The following SIGLEC8 variants were observed in gnomAD, a reference collection of about 807,000 sequenced individuals.
The protein encoded by SIGLEC8 is sialic acid binding Ig like lectin 8.
In SIGLEC8, 32 loss-of-function variants were observed where a neutral mutation model predicts 42.1. The observed-to-expected ratio is 0.76, with a 90% CI of 0.57 to 1.02. The LOEUF is 1.02. Among genes scored for constraint, SIGLEC8 ranks in the 50% least tolerant of loss-of-function variants. The pLI is 0.00. For missense variants in SIGLEC8, 611 were observed against 610.2 expected, an observed-to-expected ratio of 1.00 and a Z score of -0.01; for synonymous variants, 262 against 260.3, an observed-to-expected ratio of 1.01 and a Z score of -0.06.
chr19:51,453,210 C>T (rs979196311), intron 6 of SIGLEC8, among the ~76,000 whole-genome samples: 2 of 151,938 alleles, frequency 1.3e-5, no homozygotes, highest in Non-Finnish European at 2.9e-5. Flanking sequence ...CATCTCAGCC[C>T]CCCAAGTAGC....
At position 51,458,362 on chromosome 19, in the gene SIGLEC8, G is replaced by GGGAGCA. The variant is rs773201319; in HGVS notation, c.25_26insTGCTCC (p.Leu7_Leu8dup). 1 of 1,606,442 alleles carries GGGAGCA rather than the reference G, an allele frequency of 6.2e-7. No individual in the cohort carries two copies. The highest frequency in any genetic ancestry group is 8.5e-7 in the Non-Finnish European group (1 of 1,175,170). On this transcript the variant is annotated inframe_insertion, in exon 1 of 7. Transcript: ENST00000321424. ...CATCCCCTTTGTCCCCCAGAGCAGG[G>GGGAGCA]GCAGCAGCAGCAGCAGCAGCAGCAT...
intron 6 of SIGLEC8, chr19:51,453,673 T>C (rs2122141664): frequency 2.3e-6 from 2 of 877,548 alleles, no homozygotes; most frequent in South Asian, 5.3e-5. Flanking sequence ...CCAGCCTAGG[T>C]GACAGAGCAA....
chr19:51,458,145 T>G lies in SIGLEC8; in HGVS notation c.243A>C (p.Thr81=), dbSNP rs756602011. Residue 81 remains threonine, a synonymous_variant, in exon 1 of 7, where the codon ACA becomes ACC. Coordinates refer to ENST00000321424, the MANE Select transcript of SIGLEC8 (RefSeq NM_014442.3). ...CCTGCACTTCTCTGTCTGGGTTGTT[T>G]GTGGCCACTGGAGCGTCTTGGTATG... ...DRPYQDAPVA[T]NNPDREVQAE... 1.2e-6 allele frequency: 2 copies of G among 1,614,130 alleles called. No individual in the cohort carries two copies. The highest frequency in any genetic ancestry group is 1.7e-6 in the Non-Finnish European group (2 of 1,180,014).
chr19:51,458,419 GA>G lies in SIGLEC8; in HGVS notation c.-33del, dbSNP rs765406679. 1.3e-6 allele frequency: 2 copies of G among 1,596,014 alleles called. No homozygotes were observed. Among genetic ancestry groups the G allele is most frequent in the African/African-American group, 2.7e-5 (2 of 74,772 alleles). ...GTTTGAAGGCGCCAGGGCCGCCAGGGAACGTCTGTTCCTCAGGGTTCTTCTC... is the reference window on the plus strand; with the variant it reads ...GTTTGAAGGCGCCAGGGCCGCCAGGGACGTCTGTTCCTCAGGGTTCTTCTC... On this transcript the variant is annotated 5_prime_UTR_variant, in exon 1 of 7. Transcript: ENST00000321424.
chr19:51,454,301 C>A lies in SIGLEC8; in HGVS notation c.1163G>T (p.Arg388Met). 6.2e-7 allele frequency: 1 copy of A among 1,613,706 alleles called. No homozygotes were observed. Among genetic ancestry groups the A allele is most frequent in the South Asian group, 1.1e-5 (1 of 91,068 alleles). The stretch of plus-strand genomic sequence containing the variant: ...CGCTGCTGGCCTTGCCGATTTCTTC[C>A]TGCAGGACCTCACTCTGAGTGAAGA... ...CIIFIIVRSCRKKSARPAAGV... is the reference protein window; with the variant it reads ...CIIFIIVRSCMKKSARPAAGV... The change falls in exon 6 of 7, where the codon AGG (arginine) becomes ATG (methionine). Residue 388 changes from arginine (R) to methionine (M), a missense_variant. By Grantham distance (91) the Arg-to-Met change is moderately conservative. Coordinates refer to ENST00000321424, the MANE Select transcript of SIGLEC8 (RefSeq NM_014442.3). This position sits in a 1 kb window ranked among gnomAD's most constrained non-coding sequence, Gnocchi z 4.7.
rs759624842 is a variant in SIGLEC8, at chr19:51,458,362, GGCAGCA to G, written c.20_25del (p.Leu7_Leu8del). On this transcript the variant is annotated inframe_deletion, in exon 1 of 7. Coordinates refer to ENST00000321424, the MANE Select transcript of SIGLEC8 (RefSeq NM_014442.3). ...CATCCCCTTTGTCCCCCAGAGCAGG[GGCAGCA>G]GCAGCAGCAGCAGCAGCATGTCTGG... is the stretch of plus-strand genomic sequence containing the variant. 8.7e-6 allele frequency: 14 copies of G among 1,612,800 alleles called. No homozygotes were observed. The highest frequency in any genetic ancestry group is 1.0e-5 in the Non-Finnish European group (12 of 1,179,270).
At chr19:51,452,831 C>T (rs1203051675) in intron 6 of SIGLEC8, among the ~76,000 whole-genome samples, 198 bp from the exon 7 acceptor site, 6 of 152,138 alleles carry the variant, frequency 3.9e-5, no homozygotes, top group East Asian at 3.9e-4. Context: ...ATTAACTTCC[C>T]GCAACAACTC....
In SIGLEC8 at chr19:51,455,584, C is replaced by T. The variant is rs1989470923; in HGVS notation, c.885G>A (p.Trp295Ter). The T allele has an allele frequency of 6.2e-7, 1 of 1,614,056 alleles. No homozygotes were observed. Among genetic ancestry groups the T allele is most frequent in the Admixed American group, 1.7e-5 (1 of 59,992 alleles). The change falls in exon 4 of 7, where the codon TGG (tryptophan) becomes TGA (stop). Residue 295 changes from tryptophan to a stop codon, truncating the protein, a stop_gained. Coordinates refer to ENST00000321424, the MANE Select transcript of SIGLEC8 (RefSeq NM_014442.3). LOFTEE classifies it high-confidence loss of function. The part of the protein sequence containing the change: ...VNSNPPARLS[W>*]TRGSLTLCPS... ...GGCACAGGGTCAGGCTCCCCCGGGT[C>T]CAGCTCAGCCTGGCAGGGGGATTGC...
Position 51,452,125 on chromosome 19 carries a change from A to AT in SIGLEC8, c.*253dup, listed in dbSNP as rs890301529. Reference sequence around the variant, plus strand: ...GAGAACATGGATGAACCTAGGGGATATTTTTTTGTGTAAAATGAGCCACAC... The same window carrying AT: ...GAGAACATGGATGAACCTAGGGGATATTTTTTTTGTGTAAAATGAGCCACAC... On this transcript the variant is annotated 3_prime_UTR_variant, in exon 7 of 7. Transcript: ENST00000321424. 28 of 364,674 alleles carry AT rather than the reference A, an allele frequency of 7.7e-5. No homozygotes were observed. In the South Asian group the frequency reaches 1.6e-3, roughly 20 times the overall value. 22.6% of individuals were successfully genotyped at this position (364,674 alleles called of 1,614,324 possible).
In SIGLEC8 at chr19:51,458,163, T is replaced by G. The variant is rs964960276; in HGVS notation, c.225A>C (p.Gln75His). The change falls in exon 1 of 7, where the codon CAA becomes CAC. Residue 75 changes from glutamine to histidine, a missense_variant. Transcript: ENST00000321424. ...YWFRAGDRPY[Q>H]DAPVATNNPD... ...GGTTGTTTGTGGCCACTGGAGCGTC[T>G]TGGTATGGTCTGTCTCCTGCCCGGA... The G allele has an allele frequency of 6.2e-7, 1 of 1,614,100 alleles. No individual in the cohort carries two copies. The highest frequency in any genetic ancestry group is 1.7e-5 in the Admixed American group (1 of 60,020).
At position 51,457,621 on chromosome 19, in the gene SIGLEC8, C is replaced by G. The variant is rs867265827; in HGVS notation, c.573G>C (p.Trp191Cys). 3 of 1,612,310 alleles carry G rather than the reference C, an allele frequency of 1.9e-6. No homozygotes were observed. The African/African-American group carries it at 4.0e-5, about 22-fold the overall frequency. The change falls in exon 2 of 7, where the codon TGG (tryptophan) becomes TGC (cysteine). Residue 191 changes from tryptophan to cysteine, a missense_variant. By Grantham distance (215) the Trp-to-Cys change is radical (BLOSUM62 -2). Coordinates refer to ENST00000321424, the MANE Select transcript of SIGLEC8 (RefSeq NM_014442.3). ...CKQGTPPMIS[W>C]IGASVSSPGP... ...CCGGGGAGGACACGGAGGCCCCAATCCAGGAGATCATGGGGGGTGTCCCCT... is the reference window on the plus strand; with the variant it reads ...CCGGGGAGGACACGGAGGCCCCAATGCAGGAGATCATGGGGGGTGTCCCCT...
In SIGLEC8 at chr19:51,457,922, C is replaced by T. The variant is rs1252989428; in HGVS notation, c.454+12G>A. On this transcript the variant is annotated intron_variant, in intron 1 of 6. Coordinates refer to ENST00000321424, the MANE Select transcript of SIGLEC8 (RefSeq NM_014442.3). ...CCTTCCCCTGTGGCCTGTGCTGGAG[C>T]CCGTGCCTTACCTGTCACAAACACA... 1.9e-6 allele frequency: 3 copies of T among 1,612,868 alleles called. No homozygotes were observed. Among genetic ancestry groups the T allele is most frequent in the Non-Finnish European group, 1.7e-6 (2 of 1,179,044 alleles).
In SIGLEC8 at chr19:51,457,952, G is replaced by A. The variant is rs560175596; in HGVS notation, c.436C>T (p.Leu146=). Reference sequence around the variant, plus strand: ...GCCTTACCTGTCACAAACACAGACAGCTGCTTAGTTTTGTAATTCAACTGT... The same window carrying A: ...GCCTTACCTGTCACAAACACAGACAACTGCTTAGTTTTGTAATTCAACTGT... ...KSQLNYKTKQ[L]SVFVTALTHR... Residue 146 remains leucine (L), a synonymous_variant, in exon 1 of 7, where the codon CTG becomes TTG. Transcript: ENST00000321424. 6.8e-6 allele frequency: 11 copies of A among 1,614,092 alleles called. No homozygotes were observed. In the East Asian group the frequency reaches 2.5e-4, roughly 36 times the overall value.
rs1273492058 is a variant in SIGLEC8 at position 51,451,650 on chromosome 19, C to T, written c.*729G>A. On this transcript the variant is annotated 3_prime_UTR_variant, in exon 7 of 7. Transcript: ENST00000321424. ...TGAGAGAGACCCAGTGAGATTTCCA[C>T]ACCCGGATACATCGTGGAACCATCA... The T allele has an allele frequency of 6.6e-6, 1 of 152,256 alleles. No homozygotes were observed. The allele number at this position is 152,256 out of a possible 1,614,324, so 9.4% of individuals were successfully genotyped here.
intron 3 of SIGLEC8, among the ~76,000 whole-genome samples, chr19:51,456,409 T>C (rs988296426): frequency 6.6e-5 from 10 of 152,208 alleles, no homozygotes; most frequent in African/African-American, 1.9e-4. Flanking sequence ...CACTGCATCT[T>C]TCAAAATTAG....
chr19:51,457,767 G>T, intron 1 of SIGLEC8, 28 bp from the exon 2 acceptor site: 1 of 1,557,268 alleles, frequency 6.4e-7, no homozygotes, highest in Non-Finnish European at 8.7e-7. Flanking sequence ...ACAGGATCAG[G>T]AGGAGGTATT....
Position 51,452,637 on chromosome 19 carries a change from G to A in SIGLEC8, c.1246-4C>T. ...TCCAGGATTCAGTCAGGGGTCCCTGGACAGAGAGAGAGAAGGGAGTCAGAA... is the reference window on the plus strand; with the variant it reads ...TCCAGGATTCAGTCAGGGGTCCCTGAACAGAGAGAGAGAAGGGAGTCAGAA... On this transcript the variant is annotated splice_region_variant and splice_polypyrimidine_tract_variant and intron_variant, in intron 6 of 6. Transcript: ENST00000321424. 1 of 1,513,804 alleles carries A rather than the reference G, an allele frequency of 6.6e-7. No homozygotes were observed. The highest frequency in any genetic ancestry group is 8.9e-7 in the Non-Finnish European group (1 of 1,127,658). 93.8% of individuals were successfully genotyped at this position (1,513,804 alleles called of 1,614,324 possible).
chr19:51,455,348 T>C, intron 4 of SIGLEC8, 70 bp downstream of exon 4: 2 of 1,570,316 alleles, frequency 1.3e-6, no homozygotes, highest in Non-Finnish European at 1.7e-6. Context: ...CCCTTGAAGC[T>C]CAGGGGCAGT....
At chr19:51,456,183 C>T (rs1025912441) in intron 3 of SIGLEC8, among the ~76,000 whole-genome samples, 7 of 151,750 alleles carry the variant, frequency 4.6e-5, no homozygotes, top group Admixed American at 2.0e-4. Flanking sequence ...CAAACCTGCA[C>T]GTTGTGCACA....
Sources: allele counts gnomAD v4.1 joint callset (sites outside exome capture counted in the v4.1 genomes callset), GRCh38; gene constraint gnomAD v4.1.1; non-coding constraint Gnocchi (gnomAD v3.1); transcripts MANE v1.5; gene names NCBI Gene and HGNC (gene_info 2026-07-23, HGNC 2026-07-21).